The following STAG2 variants were observed in gnomAD, a reference collection of about 807,000 sequenced individuals.
The protein encoded by STAG2 is cohesin subunit SA-2.
A neutral mutation model predicts 108.1 loss-of-function variants in STAG2; 14 were observed. That is an observed-to-expected ratio of 0.13 (90% CI 0.09 to 0.20). The LOEUF is 0.20. Among genes scored for constraint, STAG2 ranks in the 10% least tolerant of loss-of-function variants. The probability of loss-of-function intolerance (pLI) is 1.00; values close to 1 mark genes in which losing one functional copy is unlikely to be tolerated. For synonymous variants in STAG2, 307 were observed against 302.7 expected (o/e 1.01, Z -0.15); for missense variants, 440 against 940.9 (o/e 0.47, Z 6.96).
In STAG2 at chrX:124,072,078, A is replaced by G. The variant is rs977570168; in HGVS notation, c.2533+755A>G. ...GCCCAGCCTGGAGTACAGTAGCATG[A>G]TATTAGCTCACTGCACCCTCAAACT... On this transcript the variant is annotated intron_variant, in intron 25 of 34. Transcript: ENST00000371145. 3.6e-5 allele frequency among the ~76,000 whole-genome samples: 4 copies of G among 111,270 alleles called. No individual in the cohort carries two copies. The East Asian group carries it at 1.1e-3, about 32-fold the overall frequency.
At position 124,001,284 on chromosome X, in the gene STAG2, G is replaced by A. The variant is rs190353663; in HGVS notation, c.-162-20083G>A. Reference sequence around the variant, plus strand: ...TTTTTCTATTTTTAGTAGAGATGGGGTTTCACCGTGTTAGCCAGGATGGTC... The same window carrying A: ...TTTTTCTATTTTTAGTAGAGATGGGATTTCACCGTGTTAGCCAGGATGGTC... On this transcript the variant is annotated intron_variant, in intron 1 of 34. Coordinates refer to ENST00000371145, the MANE Select transcript of STAG2 (RefSeq NM_001042750.2). Among the ~76,000 whole-genome samples, 90 of 110,847 alleles carry A rather than the reference G, an allele frequency of 8.1e-4. 1 individual carries two copies. Among genetic ancestry groups the A allele is most frequent in the African/African-American group, 2.8e-3 (84 of 30,457 alleles).
At chrX:124,092,897 G>A (rs1388475512) in intron 32 of STAG2, among the ~76,000 whole-genome samples, 1 of 111,880 alleles carries the variant, frequency 8.9e-6, no homozygotes, top group Non-Finnish European at 1.9e-5. Context: ...CTGTTAGGAA[G>A]TAAGGACCAT....
At chrX:123,981,700 A>G (rs1233451798) in intron 1 of STAG2, among the ~76,000 whole-genome samples, 1 of 111,265 alleles carries the variant, frequency 9.0e-6, no homozygotes, top group Non-Finnish European at 1.9e-5. Flanking sequence ...GAATTGCTCC[A>G]CAAATATTTG....
At chrX:124,098,154 T>G (rs1428868035) in intron 34 of STAG2, among the ~76,000 whole-genome samples, 1 of 111,180 alleles carries the variant, frequency 9.0e-6, no homozygotes, top group Non-Finnish European at 1.9e-5. Flanking sequence ...TTTTATAGCA[T>G]TCTCATGTAT....
chrX:124,040,446 T>A (rs2057674950), intron 6 of STAG2, among the ~76,000 whole-genome samples: 1 of 110,959 alleles, frequency 9.0e-6, no homozygotes, highest in Non-Finnish European at 1.9e-5. Context: ...CCCCCACATT[T>A]TTAAGGCAGC....
At chrX:124,037,366 TTTA>T (rs755925663) in intron 5 of STAG2, among the ~76,000 whole-genome samples, 158 bp from the exon 6 acceptor site, 17 of 112,299 alleles carry the variant, frequency 1.5e-4, no homozygotes, top group Admixed American at 1.9e-4. Flanking sequence ...TCGATTCTAT[TTTA>T]TTATTGTTAA....
Position 124,050,180 on chromosome X carries a change from A to T in STAG2, c.894-6A>T, listed in dbSNP as rs2057994262. ...ATTATGCATCGTTTTTCCTTCCCCCATTCAGTGATGCGATAGCTGAAATTC... is the reference window on the plus strand; with the variant it reads ...ATTATGCATCGTTTTTCCTTCCCCCTTTCAGTGATGCGATAGCTGAAATTC... On this transcript the variant is annotated splice_region_variant and splice_polypyrimidine_tract_variant and intron_variant, in intron 10 of 34. Transcript: ENST00000371145. The T allele has an allele frequency of 8.3e-7, 1 of 1,208,685 alleles. No individual in the cohort carries two copies. The highest frequency in any genetic ancestry group is 1.7e-5 in the African/African-American group (1 of 57,700).
chrX:124,051,192 A>G lies in STAG2; in HGVS notation c.1089A>G (p.Lys363=), dbSNP rs185398645. ...ATTATAACAAAGAGCTTAATTCCAA[A>G]CTGGAACTTTTTACCAGTCGGTTCA... ...GLYYNKELNS[K]LELFTSRFKD... The change falls in exon 12 of 35, where the codon AAA becomes AAG. Residue 363 remains lysine (K), a synonymous_variant. Transcript: ENST00000371145. The G allele has an allele frequency of 2.4e-5, 28 of 1,187,522 alleles. No homozygotes were observed. The highest frequency in any genetic ancestry group is 2.4e-4 in the Middle Eastern group (1 of 4,184).
chrX:124,061,316 G>A lies in STAG2; in HGVS notation c.1509G>A (p.Leu503=). 8.3e-7 allele frequency: 1 copy of A among 1,204,106 alleles called. No individual in the cohort carries two copies. Among genetic ancestry groups the A allele is most frequent in the Non-Finnish European group, 1.1e-6 (1 of 889,220 alleles). ...GGGAATGTATGAATAGCTTGTTACTGGAAGAGCCACTTAGTGGAGAGGAAG... is the reference window on the plus strand; with the variant it reads ...GGGAATGTATGAATAGCTTGTTACTAGAAGAGCCACTTAGTGGAGAGGAAG... The part of the protein sequence containing the change: ...KDWECMNSLL[L]EEPLSGEEAL... Residue 503 remains leucine, a synonymous_variant, in exon 16 of 35, where the codon CTG becomes CTA. Coordinates refer to ENST00000371145, the MANE Select transcript of STAG2 (RefSeq NM_001042750.2).
At chrX:123,986,592 C>G (rs1000389277) in intron 1 of STAG2, among the ~76,000 whole-genome samples, 1 of 111,560 alleles carries the variant, frequency 9.0e-6, no homozygotes, top group African/African-American at 3.3e-5. Flanking sequence ...GTTTACTAAT[C>G]TGTAAAATGG....
intron 34 of STAG2, chrX:124,097,671 C>T (rs745449355): frequency 1.8e-5 from 6 of 336,472 alleles, no homozygotes; most frequent in African/African-American, 7.9e-5. Flanking sequence ...TTGATCCTCT[C>T]AGCAACCGTG....
intron 1 of STAG2, among the ~76,000 whole-genome samples, chrX:123,983,643 G>T (rs1163318497): frequency 9.0e-6 from 1 of 111,247 alleles, no homozygotes; most frequent in Non-Finnish European, 1.9e-5. Context: ...TAATTCTTTT[G>T]AAAAATAATT....
intron 1 of STAG2, among the ~76,000 whole-genome samples, chrX:123,977,444 GTT>G (rs3216840): frequency 8.2e-5 from 9 of 109,561 alleles, no homozygotes; most frequent in East Asian, 5.8e-4. Context: ...CTTTTCTGCT[GTT>G]TTTTTTCCCC....
Position 124,043,299 on chromosome X carries a change from C to T in STAG2, c.462+654C>T, listed in dbSNP as rs186287985. On this transcript the variant is annotated intron_variant, in intron 7 of 34. Coordinates refer to ENST00000371145, the MANE Select transcript of STAG2 (RefSeq NM_001042750.2). The stretch of plus-strand genomic sequence containing the variant: ...ACCCACCACCACACCTGAATAATTT[C>T]TGTATTTTTAGTAGAGACATGGTGG... 7.7e-3 allele frequency among the ~76,000 whole-genome samples: 838 copies of T among 108,415 alleles called. 12 individuals are homozygous for T. The highest frequency in any genetic ancestry group is 0.026 in the African/African-American group (785 of 29,792). 94.1% of individuals were successfully genotyped at this position (108,415 alleles called of 115,157 possible). A position where few individuals can be genotyped will look rare whatever the true frequency, so the allele number is the denominator to read the frequency against.
intron 1 of STAG2, among the ~76,000 whole-genome samples, chrX:123,973,587 G>A (rs1235922382): frequency 1.9e-5 from 2 of 105,331 alleles, no homozygotes; most frequent in African/African-American, 7.1e-5. Flanking sequence ...GCTCACACCT[G>A]TAATCCCAGC....
At chrX:123,993,133 TA>T (rs1471291123) in intron 1 of STAG2, among the ~76,000 whole-genome samples, 2 of 111,198 alleles carry the variant, frequency 1.8e-5, no homozygotes, top group Non-Finnish European at 3.8e-5. Context: ...TTATTTAGAC[TA>T]AAAACTGGGT....
chrX:124,096,495 TTAAC>T (rs1490240682), intron 34 of STAG2, among the ~76,000 whole-genome samples: 2 of 111,585 alleles, frequency 1.8e-5, no homozygotes, highest in Non-Finnish European at 3.8e-5. Flanking sequence ...CTCTCCTTCT[TTAAC>T]TGTTTGTACA....
intron 1 of STAG2, among the ~76,000 whole-genome samples, chrX:123,990,490 GCC>G (rs1221855981): frequency 8.1e-5 from 9 of 111,302 alleles, no homozygotes; most frequent in Non-Finnish European, 1.7e-4. Flanking sequence ...TATTCCACCT[GCC>G]TCCAGACCCC....
intron 15 of STAG2, among the ~76,000 whole-genome samples, chrX:124,060,298 G>A (rs1032874661): frequency 1.8e-5 from 2 of 110,881 alleles, no homozygotes; most frequent in Non-Finnish European, 3.8e-5. Context: ...CCTAATTTTT[G>A]TATTTTTGCT....
Sources: gnomAD v4.1 joint callset for allele counts (sites outside exome capture counted in the v4.1 genomes callset) on GRCh38, gnomAD v4.1.1 for gene constraint, MANE v1.5 for transcripts, NCBI Gene and HGNC (gene_info 2026-07-23, HGNC 2026-07-21) for gene names.